PTN: variants seen among roughly 807,000 people sequenced by gnomAD.
PTN encodes heparin affin regulatory protein.
A neutral mutation model predicts 24.1 loss-of-function variants in PTN; 18 were observed. That is an observed-to-expected ratio of 0.75 (90% CI 0.52 to 1.11). The LOEUF (loss-of-function observed/expected upper bound fraction) is 1.11. Among genes scored for constraint, PTN ranks in the 50% least tolerant of loss-of-function variants. PTN has a pLI of 0.00. For synonymous variants in PTN, 78 were observed against 68.6 expected, an observed-to-expected ratio of 1.14 and a Z score of -0.67; for missense variants, 163 against 198.8, an observed-to-expected ratio of 0.82 and a Z score of 1.08.
intron 1 of PTN, among the ~76,000 whole-genome samples, chr7:137,287,172 C>T (rs1433483585): frequency 1.3e-5 from 2 of 152,172 alleles, no homozygotes; most frequent in Admixed American, 6.5e-5. Context: ...GAGGCTTGTT[C>T]CCCCAGATGA....
At chr7:137,333,473 G>A (rs1315328169) in intron 1 of PTN, among the ~76,000 whole-genome samples, 1 of 152,116 alleles carries the variant, frequency 6.6e-6, no homozygotes, top group African/African-American at 2.4e-5. Flanking sequence ...GAAGCAAAAA[G>A]CCCTGGCTGT....
chr7:137,320,369 C>G lies in PTN; in HGVS notation c.-2+23070G>C, dbSNP rs142753246. 9.9e-5 allele frequency among the ~76,000 whole-genome samples: 15 copies of G among 151,096 alleles called. No individual in the cohort carries two copies. In the East Asian group the frequency reaches 2.8e-3, roughly 28 times the overall value. ...TAGTGTCAACTTTAAAATGAAGACT[C>G]CATTTTCTAACTCACTCATCTACTG... On this transcript the variant is annotated intron_variant, in intron 1 of 4. Transcript: ENST00000348225.
intron 1 of PTN, among the ~76,000 whole-genome samples, chr7:137,292,547 C>T (rs1046361134): frequency 6.6e-6 from 1 of 152,158 alleles, no homozygotes; most frequent in Non-Finnish European, 1.5e-5. Context: ...TGTGAGGCCT[C>T]TCCAGCCATG....
At chr7:137,324,298 G>A (rs995964137) in intron 1 of PTN, among the ~76,000 whole-genome samples, 1 of 150,828 alleles carries the variant, frequency 6.6e-6, no homozygotes, top group Non-Finnish European at 1.5e-5. Flanking sequence ...GGAACGTGGA[G>A]AAAGAAGGAC....
At chr7:137,302,474 A>T (rs562159737) in intron 1 of PTN, among the ~76,000 whole-genome samples, 139 of 152,128 alleles carry the variant, frequency 9.1e-4, no homozygotes, top group African/African-American at 3.3e-3. Context: ...GATTAGACAA[A>T]GCAATGAAGA....
chr7:137,299,896 G>A (rs995428929), intron 1 of PTN, among the ~76,000 whole-genome samples: 1 of 151,894 alleles, frequency 6.6e-6, no homozygotes, highest in Non-Finnish European at 1.5e-5. Flanking sequence ...AAAGGCCAGG[G>A]AAGACCCAAA....
intron 1 of PTN, among the ~76,000 whole-genome samples, chr7:137,280,622 G>C (rs1467990789): frequency 6.8e-6 from 1 of 147,882 alleles, no homozygotes; most frequent in African/African-American, 2.5e-5. Flanking sequence ...GGGAGGCCGA[G>C]GCAGGTGGAT....
intron 4 of PTN, among the ~76,000 whole-genome samples, chr7:137,237,351 A>G (rs919751187): frequency 2.0e-5 from 3 of 152,150 alleles, no homozygotes; most frequent in Non-Finnish European, 2.9e-5. Flanking sequence ...AGACTCCAGA[A>G]CTATGAGAAA....
intron 1 of PTN, among the ~76,000 whole-genome samples, chr7:137,329,251 G>A (rs1233357264): frequency 6.6e-6 from 1 of 152,138 alleles, no homozygotes; most frequent in East Asian, 1.9e-4. Context: ...TATTAATGCT[G>A]GTGAATTGTG....
At chr7:137,325,824 A>G (rs1028393364) in intron 1 of PTN, 1 of 152,178 alleles carries the variant, frequency 6.6e-6, no homozygotes, top group Non-Finnish European at 1.5e-5. Flanking sequence ...TCTAAAATGC[A>G]GTTACTGAAA....
At position 137,241,091 on chromosome 7, in the gene PTN, G is replaced by A. The variant is rs1051931189; in HGVS notation, c.451+10139C>T. Among the ~76,000 whole-genome samples the A allele has an allele frequency of 2.1e-4, 32 of 152,244 alleles. 1 individual carries two copies. The highest frequency in any genetic ancestry group is 1.4e-3 in the Admixed American group (22 of 15,284). On this transcript the variant is annotated intron_variant, in intron 4 of 4. Transcript: ENST00000348225. ...TTTACATGGCAGCAGGAGAGACAGC[G>A]AGAGCAAGGAAGTGCCACACTTTAA...
At chr7:137,255,970 AT>A (rs1414813886) in intron 1 of PTN, among the ~76,000 whole-genome samples, 1 of 151,970 alleles carries the variant, frequency 6.6e-6, no homozygotes, top group South Asian at 2.1e-4. Flanking sequence ...TAGGCTGATA[AT>A]TTTTTTTCCA....
At chr7:137,301,935 T>A (rs1809813290) in intron 1 of PTN, among the ~76,000 whole-genome samples, 1 of 151,372 alleles carries the variant, frequency 6.6e-6, no homozygotes, top group Non-Finnish European at 1.5e-5. Context: ...CGTTAGTATA[T>A]GTTCCTTAAG....
intron 1 of PTN, among the ~76,000 whole-genome samples, chr7:137,284,251 G>A (rs185795335): frequency 1.3e-5 from 2 of 151,916 alleles, no homozygotes; most frequent in East Asian, 2.0e-4. Flanking sequence ...CCACCGCGCC[G>A]GGCCGAGCAT....
At chr7:137,228,201 G>A (rs556234528) in intron 4 of PTN, 126 bp from the exon 5 acceptor site, 4 of 650,392 alleles carry the variant, frequency 6.2e-6, no homozygotes, top group South Asian at 5.6e-5. Flanking sequence ...TTTGCTCTTG[G>A]TAGTTCTCTT....
intron 1 of PTN, among the ~76,000 whole-genome samples, chr7:137,304,299 T>C (rs1259288758): frequency 6.6e-6 from 1 of 151,850 alleles, no homozygotes; most frequent in Non-Finnish European, 1.5e-5. Context: ...AAGCTTTAAT[T>C]CAAAAGGTGG....
At chr7:137,248,936 C>T (rs1237342981) in intron 4 of PTN, among the ~76,000 whole-genome samples, 1 of 151,962 alleles carries the variant, frequency 6.6e-6, no homozygotes, top group Non-Finnish European at 1.5e-5. Context: ...ATGAATATTA[C>T]AGAATGTCTA....
chr7:137,339,540 T>G (rs944287885), intron 1 of PTN, among the ~76,000 whole-genome samples: 2 of 132,970 alleles, frequency 1.5e-5, no homozygotes, highest in African/African-American at 2.8e-5. Context: ...ATGAAAATGT[T>G]GCCTGACCCT....
chr7:137,281,159 C>T (rs567176269), intron 1 of PTN, among the ~76,000 whole-genome samples: 57 of 151,812 alleles, frequency 3.8e-4, no homozygotes, highest in African/African-American at 1.2e-3. Context: ...GCCACGTGAC[C>T]TAATGAAAGT....
Sources: allele counts gnomAD v4.1 joint callset (sites outside exome capture counted in the v4.1 genomes callset), GRCh38; gene constraint gnomAD v4.1.1; transcripts MANE v1.5; gene names NCBI Gene and HGNC (gene_info 2026-07-23, HGNC 2026-07-21).